Variants in NCOR2 observed in about 807,000 individuals in gnomAD.
The protein encoded by NCOR2 is nuclear receptor corepressor 2.
Under a neutral mutation model 262.9 loss-of-function variants are expected in NCOR2, and 81 were observed. The ratio of observed to expected loss-of-function variants is 0.31; its 90% CI spans 0.26 to 0.37. The LOEUF is 0.37. Among genes scored for constraint, NCOR2 ranks in the 10% least tolerant of loss-of-function variants. The pLI is 1.00. For missense variants in NCOR2, 3,385 were observed against 3,621.4 expected (o/e 0.93, Z 1.68); for synonymous variants, 1,659 against 1,559.3 (o/e 1.06, Z -1.51).
At chr12:124,499,227 A>C (rs1261442587), upstream of NCOR2, among the ~76,000 whole-genome samples, 1 of 152,258 alleles carries the variant, frequency 6.6e-6, no homozygotes, top group African/African-American at 2.4e-5. Flanking sequence ...TCCTGGCCAA[A>C]GGAGGTTCTG....
intron 7 of NCOR2, among the ~76,000 whole-genome samples, chr12:124,439,723 GAGAA>G (rs1311829929): frequency 6.6e-6 from 1 of 151,732 alleles, no homozygotes; most frequent in Non-Finnish European, 1.5e-5. Flanking sequence ...TGAGAGAGAT[GAGAA>G]AGAGAGGATC....
upstream of NCOR2, chr12:124,539,145 C>T (rs12307174): frequency 0.27 from 41,813 of 152,192 alleles, 6,797 homozygotes; most frequent in Middle Eastern, 0.39. This position sits in a 1 kb window ranked among gnomAD's most constrained non-coding sequence, Gnocchi z 5.1. Context: ...GAGCCGCCCC[C>T]GTCAGGGCTT....
Position 124,473,980 on chromosome 12 carries a change from C to A in NCOR2, c.412-849G>T, listed in dbSNP as rs551371760. Among the ~76,000 whole-genome samples, 115 of 152,296 alleles carry A rather than the reference C, an allele frequency of 7.6e-4. No individual in the cohort carries two copies. In the Middle Eastern group the frequency reaches 0.014, roughly 18 times the overall value. ...AGAGTCCCTTACAGCCTTCAAGATGCGGTTCAAATGCTCTTGCTACATGAA... is the reference window on the plus strand; with the variant it reads ...AGAGTCCCTTACAGCCTTCAAGATGAGGTTCAAATGCTCTTGCTACATGAA... On this transcript the variant is annotated intron_variant, in intron 3 of 46. Transcript: ENST00000405201.
rs754397696 is a variant in NCOR2, at chr12:124,372,351, C to A, written c.2478G>T (p.Glu826Asp). 5 of 1,516,550 alleles carry A rather than the reference C, an allele frequency of 3.3e-6. No homozygotes were observed. The Admixed American group carries it at 1.1e-4, about 33-fold the overall frequency. 93.9% of individuals were successfully genotyped at this position (1,516,550 alleles called of 1,614,324 possible). Residue 826 changes from glutamate (E) to aspartate (D), a missense_variant, in exon 20 of 47, where the codon GAG (glutamate) becomes GAT (aspartate). Glu to Asp is a conservative substitution (Grantham distance 45). Coordinates refer to ENST00000405201, the Ensembl canonical transcript of NCOR2. ...GCGCTGCTGCGGTCTCCTCCTCCTT[C>A]TCCTCCTTGGGGACCACAGGAGGAG...
chr12:124,456,408 G>A (rs2045859491), intron 6 of NCOR2, among the ~76,000 whole-genome samples: 2 of 152,184 alleles, frequency 1.3e-5, no homozygotes, highest in Non-Finnish European at 2.9e-5. Flanking sequence ...CCTCAGCCCA[G>A]GGACTCCAGG....
In NCOR2 at chr12:124,549,545, G is replaced by A. The variant is rs1277704968; in HGVS notation, c.-164-13934C>T. Reference sequence around the variant, plus strand: ...TACCAAGGGCTTCTGCCCCAGCGCCGGGGCACAGCGGGCTGAGGGAGCCCC... The same window carrying A: ...TACCAAGGGCTTCTGCCCCAGCGCCAGGGCACAGCGGGCTGAGGGAGCCCC... On this transcript the variant is annotated intron_variant, in intron 1 of 32. Transcript: ENST00000458234. The surrounding 1 kb of genome is among the most constrained non-coding windows in gnomAD (Gnocchi z 4.4). Among the ~76,000 whole-genome samples, 8 of 152,142 alleles carry A rather than the reference G, an allele frequency of 5.3e-5. No individual in the cohort carries two copies. The East Asian group carries it at 5.8e-4, about 11-fold the overall frequency.
chr12:124,354,590 C>A lies in NCOR2; in HGVS notation c.3485-8G>T. The stretch of plus-strand genomic sequence containing the variant: ...TCACTCCGCTGAAGGGTGCTGAGGA[C>A]CAGTAAGAGGAGCGAGTCACGTGCT... On this transcript the variant is annotated splice_region_variant and splice_polypyrimidine_tract_variant and intron_variant, in intron 25 of 46. Coordinates refer to ENST00000405201, the Ensembl canonical transcript of NCOR2. 1 of 1,557,308 alleles carries A rather than the reference C, an allele frequency of 6.4e-7. No individual in the cohort carries two copies. The highest frequency in any genetic ancestry group is 1.2e-5 in the South Asian group (1 of 83,010).
chr12:124,380,363 G>C (rs1342872743), intron 17 of NCOR2, among the ~76,000 whole-genome samples: 2 of 152,242 alleles, frequency 1.3e-5, no homozygotes, highest in African/African-American at 2.4e-5. Flanking sequence ...GAGGAAAAGG[G>C]AAACGACTGC....
chr12:124,448,085 A>C (rs1377107872), intron 7 of NCOR2, among the ~76,000 whole-genome samples: 3 of 152,340 alleles, frequency 2.0e-5, no homozygotes, highest in Middle Eastern at 3.4e-3. Flanking sequence ...GTTTTATCCA[A>C]GGCTGAATAG....
intron 7 of NCOR2, among the ~76,000 whole-genome samples, chr12:124,449,409 G>A (rs1420079450): frequency 6.6e-6 from 1 of 152,158 alleles, no homozygotes; most frequent in Non-Finnish European, 1.5e-5. Flanking sequence ...TTATGCCAGA[G>A]CCCAAAACAC....
intron 17 of NCOR2, among the ~76,000 whole-genome samples, chr12:124,379,935 C>T (rs376268335): frequency 5.3e-5 from 8 of 152,238 alleles, no homozygotes; most frequent in East Asian, 1.9e-4. Flanking sequence ...CGCTGGAAGA[C>T]GGAAGAGGCT....
chr12:124,511,435 G>A (rs554048507), intron 1 of NCOR2, among the ~76,000 whole-genome samples: 8 of 152,354 alleles, frequency 5.3e-5, no homozygotes, highest in South Asian at 4.1e-4. Flanking sequence ...CATTTGTCAA[G>A]GGCACCCGGC....
chr12:124,551,747 G>A (rs1256428486), intron 1 of NCOR2, among the ~76,000 whole-genome samples: 1 of 152,178 alleles, frequency 6.6e-6, no homozygotes, highest in African/African-American at 2.4e-5. Context: ...CAGGCTTCAG[G>A]TTTCTGCATG....
Position 124,482,833 on chromosome 12 carries a change from C to T in NCOR2, c.411+763G>A, listed in dbSNP as rs1007142699. On this transcript the variant is annotated intron_variant, in intron 3 of 46. Coordinates refer to ENST00000405201, the Ensembl canonical transcript of NCOR2. The surrounding 1 kb of genome is among the most constrained non-coding windows in gnomAD (Gnocchi z 6.3). Reference sequence around the variant, plus strand: ...TCCGTGGTCCCTCAGGCCTGGGTGGCTGCAGACTCAACCCACGCTAGCCCA... The same window carrying T: ...TCCGTGGTCCCTCAGGCCTGGGTGGTTGCAGACTCAACCCACGCTAGCCCA... 1.6e-4 allele frequency among the ~76,000 whole-genome samples: 25 copies of T among 152,176 alleles called. No individual in the cohort carries two copies. The highest frequency in any genetic ancestry group is 5.1e-4 in the African/African-American group (21 of 41,430).
intron 5 of NCOR2, among the ~76,000 whole-genome samples, chr12:124,465,943 A>G (rs2046392445): frequency 6.6e-6 from 1 of 152,202 alleles, no homozygotes; most frequent in Non-Finnish European, 1.5e-5. Flanking sequence ...GACCAGCCAC[A>G]GTCCACACCC....
chr12:124,543,575 T>C (rs933866348), intron 1 of NCOR2, among the ~76,000 whole-genome samples: 8 of 152,162 alleles, frequency 5.3e-5, no homozygotes, highest in African/African-American at 1.9e-4. Context: ...GGACTAGGCT[T>C]CCCAGAAACC....
At chr12:124,519,089 T>TACACACATACACACACACACACAC (rs1555236047) in intron 1 of NCOR2, among the ~76,000 whole-genome samples, 1 of 97,268 alleles carries the variant, frequency 1.0e-5, no homozygotes, top group African/African-American at 3.5e-5. Flanking sequence ...GGCCAAATAA[T>TACACACATACACACACACACACAC]ACACACACAC....
intron 15 of NCOR2, 28 bp from the exon 18 acceptor site, chr12:124,398,209 A>C: frequency 1.2e-6 from 2 of 1,613,242 alleles, no homozygotes; most frequent in East Asian, 4.5e-5. Context: ...GGTTATTGGC[A>C]GGAGCCGGGA....
intron 22 of NCOR2, among the ~76,000 whole-genome samples, chr12:124,361,067 AGCG>A (rs2038541894): frequency 1.4e-5 from 2 of 147,260 alleles, no homozygotes; most frequent in Non-Finnish European, 3.0e-5. Flanking sequence ...GGTTGCAGTG[AGCG>A]GAGATTGTGC....
Sources: gnomAD v4.1 joint callset for allele counts (sites outside exome capture counted in the v4.1 genomes callset) on GRCh38, gnomAD v4.1.1 for gene constraint, Gnocchi (gnomAD v3.1) non-coding constraint, MANE v1.5 for transcripts, NCBI Gene and HGNC (gene_info 2026-07-23, HGNC 2026-07-21) for gene names.